The following WDR26 variants were observed in gnomAD, a reference collection of about 807,000 sequenced individuals.
WDR26 encodes WD repeat-containing protein 26.
WDR26 carries 5 observed loss-of-function variants against 84.1 expected under a neutral mutation model. The observed-to-expected ratio is 0.06, with a 90% CI of 0.03 to 0.13. The LOEUF is 0.13. WDR26 is among the 10% of genes least tolerant of loss of function. The pLI, the probability that WDR26 is intolerant of heterozygous loss-of-function variation, is 1.00. For missense variants in WDR26, 642 were observed against 974.9 expected, an observed-to-expected ratio of 0.66 and a Z score of 4.55; for synonymous variants, 415 against 389.6, an observed-to-expected ratio of 1.07 and a Z score of -0.77.
In WDR26 at chr1:224,389,557, T is replaced by A; in HGVS notation, c.*278A>T. On this transcript the variant is annotated 3_prime_UTR_variant, in exon 14 of 14. Coordinates refer to ENST00000414423, the MANE Select transcript of WDR26 (RefSeq NM_001379403.1). ...GAAGGAAAAAAATATATATACTGAG[T>A]TCAATGGGTAAGCCTGAATGTAGCA... 1.9e-6 allele frequency: 1 copy of A among 538,616 alleles called. No homozygotes were observed. The highest frequency in any genetic ancestry group is 3.2e-6 in the Non-Finnish European group (1 of 311,160). The allele number at this position is 538,616 out of a possible 1,614,324, so 33.4% of individuals were successfully genotyped here. A position where few individuals can be genotyped will look rare whatever the true frequency, so the allele number is the denominator to read the frequency against.
intron 7 of WDR26, 42 bp downstream of exon 7, chr1:224,411,385 T>C (rs1673732019): frequency 1.3e-6 from 2 of 1,546,064 alleles, no homozygotes; most frequent in South Asian, 2.6e-5. Flanking sequence ...GATTCAAAAT[T>C]ATCCCCTTTT....
chr1:224,407,035 T>C (rs1673585703), intron 7 of WDR26, among the ~76,000 whole-genome samples: 1 of 146,450 alleles, frequency 6.8e-6, no homozygotes, highest in Non-Finnish European at 1.5e-5. Context: ...GGCAGGAGAA[T>C]TGCTTGAACC....
chr1:224,431,869 A>C, intron 1 of WDR26, 88 bp from the exon 2 acceptor site: 1 of 1,081,758 alleles, frequency 9.2e-7, no homozygotes. Flanking sequence ...AAACAGATGC[A>C]AAGTTTTTAA....
At chr1:224,410,694 CTTTTTT>C (rs397983007) in intron 7 of WDR26, among the ~76,000 whole-genome samples, 1 of 118,954 alleles carries the variant, frequency 8.4e-6, no homozygotes, top group Non-Finnish European at 1.7e-5. Flanking sequence ...ATCTTTCTTT[CTTTTTT>C]TTTTTTTTTT....
chr1:224,391,363 CAAAAAAA>C (rs869213487), intron 13 of WDR26, among the ~76,000 whole-genome samples: 1 of 89,144 alleles, frequency 1.1e-5, no homozygotes, highest in South Asian at 4.0e-4. Flanking sequence ...AACTCTGTCT[CAAAAAAA>C]AAAAAAAAAA....
Position 224,398,502 on chromosome 1 carries a change from C to T in WDR26, c.1944+13G>A, listed in dbSNP as rs200817466. 5.2e-4 allele frequency: 830 copies of T among 1,593,028 alleles called. 3 individuals carry two copies. Among genetic ancestry groups the T allele is most frequent in the Admixed American group, 1.1e-3 (61 of 55,390 alleles). On this transcript the variant is annotated intron_variant, in intron 11 of 13. Transcript: ENST00000414423. ...AAGCCAAATTTTTCAGAAAATTATA[C>T]TAATAAACATACCTGAGTTGCTACA...
Position 224,385,921 on chromosome 1 carries a change from G to A in WDR26, c.*3914C>T, listed in dbSNP as rs904135743. The A allele has an allele frequency of 6.6e-6, 1 of 152,034 alleles. No individual in the cohort carries two copies. Among genetic ancestry groups the A allele is most frequent in the Admixed American group, 6.6e-5 (1 of 15,230 alleles). 9.4% of individuals were successfully genotyped at this position (152,034 alleles called of 1,614,324 possible). A position where few individuals can be genotyped will look rare whatever the true frequency, so the allele number is the denominator to read the frequency against. ...TTTCAGTAAAAATGACAAGATCCTA[G>A]AACAGCTGTTTCCAGGACTTTTTAA... On this transcript the variant is annotated 3_prime_UTR_variant, in exon 14 of 14. Coordinates refer to ENST00000414423, the MANE Select transcript of WDR26 (RefSeq NM_001379403.1).
chr1:224,417,416 T>C (rs537950639), intron 6 of WDR26, among the ~76,000 whole-genome samples: 1 of 152,232 alleles, frequency 6.6e-6, no homozygotes, highest in Non-Finnish European at 1.5e-5. Flanking sequence ...ATTAAAGCTA[T>C]GCTTTAGGCC....
intron 7 of WDR26, among the ~76,000 whole-genome samples, chr1:224,409,398 GAGAA>G (rs1452683120): frequency 7.9e-5 from 12 of 152,148 alleles, no homozygotes; most frequent in Admixed American, 7.9e-4. Flanking sequence ...AACATATTCT[GAGAA>G]AGAGTCCATA....
intron 3 of WDR26, among the ~76,000 whole-genome samples, chr1:224,427,297 G>C (rs1674258484): frequency 6.6e-6 from 1 of 151,600 alleles, no homozygotes; most frequent in Non-Finnish European, 1.5e-5. Flanking sequence ...AAATTTCAGG[G>C]CAAGTTTTTT....
At chr1:224,414,265 C>A (rs1000179175) in intron 6 of WDR26, among the ~76,000 whole-genome samples, 1 of 151,708 alleles carries the variant, frequency 6.6e-6, no homozygotes, top group Non-Finnish European at 1.5e-5. Context: ...ACCACCACAC[C>A]CGGCTAATTT....
At chr1:224,406,185 T>C (rs1470374433) in intron 7 of WDR26, among the ~76,000 whole-genome samples, 2 of 151,892 alleles carry the variant, frequency 1.3e-5, no homozygotes, top group Non-Finnish European at 2.9e-5. Flanking sequence ...ATCCCTGTTA[T>C]AAAAAGAAAA....
intron 13 of WDR26, among the ~76,000 whole-genome samples, chr1:224,393,536 C>G (rs1374823485): frequency 6.6e-6 from 1 of 152,012 alleles, no homozygotes; most frequent in Non-Finnish European, 1.5e-5. Flanking sequence ...CATGACGAAG[C>G]AAGATTTTCA....
At position 224,433,777 on chromosome 1, in the gene WDR26, A is replaced by C; in HGVS notation, c.629T>G (p.Leu210Arg). Reference sequence around the variant, plus strand: ...CTTCTTCTTCTTGAGGCTGCTGCCCAGTTCTGGGGTGGCCAAGGAAGAGGA... The same window carrying C: ...CTTCTTCTTCTTGAGGCTGCTGCCCCGTTCTGGGGTGGCCAAGGAAGAGGA... The change falls in exon 1 of 14, where the codon CTG becomes CGG. Residue 210 changes from leucine to arginine, a missense_variant. Around this residue, in one of 2 missense-constraint regions of WDR26, gnomAD observed 291 missense variants for 302.1 expected, o/e 0.96. Transcript: ENST00000414423. The C allele has an allele frequency of 2.6e-6, 4 of 1,536,534 alleles. No individual in the cohort carries two copies. In the South Asian group the frequency reaches 4.8e-5, roughly 18 times the overall value.
chr1:224,407,249 A>G (rs1254773820), intron 7 of WDR26, among the ~76,000 whole-genome samples: 6 of 143,576 alleles, frequency 4.2e-5, no homozygotes, highest in Admixed American at 2.8e-4. Context: ...AAACAATACT[A>G]TATCTTCATT....
intron 6 of WDR26, among the ~76,000 whole-genome samples, chr1:224,412,584 G>A (rs548198868): frequency 3.9e-5 from 6 of 152,044 alleles, no homozygotes; most frequent in Admixed American, 2.6e-4. Context: ...TTTATGATCC[G>A]GTTTACCAAC....
At chr1:224,423,808 G>A (rs1674133310) in intron 4 of WDR26, among the ~76,000 whole-genome samples, 1 of 152,158 alleles carries the variant, frequency 6.6e-6, no homozygotes, top group Non-Finnish European at 1.5e-5. Flanking sequence ...CAGATGAGAA[G>A]CTAAATTTAA....
At chr1:224,423,888 A>G (rs1304551312) in intron 4 of WDR26, among the ~76,000 whole-genome samples, 1 of 152,096 alleles carries the variant, frequency 6.6e-6, no homozygotes, top group East Asian at 1.9e-4. Context: ...GAGTATGTAG[A>G]TAGAGAATAA....
At chr1:224,409,003 C>G (rs528317884) in intron 7 of WDR26, among the ~76,000 whole-genome samples, 1 of 152,100 alleles carries the variant, frequency 6.6e-6, no homozygotes, top group East Asian at 1.9e-4. Context: ...CAAATGCAGG[C>G]AATTAACAAG....
Sources: gnomAD v4.1 joint callset for allele counts (sites outside exome capture counted in the v4.1 genomes callset) on GRCh38, gnomAD v4.1.1 for gene constraint, gnomAD v4.1.1 regional missense constraint, MANE v1.5 for transcripts, NCBI Gene and HGNC (gene_info 2026-07-23, HGNC 2026-07-21) for gene names.